UVRAG: variants seen among roughly 807,000 people sequenced by gnomAD.
UVRAG encodes the protein UV radiation resistance-associated gene protein.
Under a neutral mutation model 78.0 loss-of-function variants are expected in UVRAG, and 19 were observed. That is an observed-to-expected ratio of 0.24 (90% confidence interval 0.17 to 0.36). The LOEUF (loss-of-function observed/expected upper bound fraction) is 0.36, where lower values mean the gene tolerates loss of function less well. UVRAG is among the 10% of genes least tolerant of loss of function. UVRAG has a pLI of 1.00. For missense variants in UVRAG, 740 were observed against 853.8 expected, an observed-to-expected ratio of 0.87 and a Z score of 1.66; for synonymous variants, 323 against 324.6, an observed-to-expected ratio of 1.00 and a Z score of 0.05.
At chr11:76,010,104 T>C (rs1054830003) in intron 11 of UVRAG, among the ~76,000 whole-genome samples, 1 of 152,194 alleles carries the variant, frequency 6.6e-6, no homozygotes, top group Non-Finnish European at 1.5e-5. Context: ...TTCACAAAAA[T>C]GTGTTTTGAT....
intron 14 of UVRAG, among the ~76,000 whole-genome samples, chr11:76,138,604 A>T (rs1314916530): frequency 3.9e-5 from 6 of 152,160 alleles, no homozygotes; most frequent in Admixed American, 3.9e-4. Context: ...GCCTTTTATC[A>T]GCCCACTGGG....
intron 4 of UVRAG, among the ~76,000 whole-genome samples, chr11:75,882,542 C>T (rs1946975381): frequency 6.6e-6 from 1 of 151,408 alleles, no homozygotes; most frequent in African/African-American, 2.4e-5. Context: ...TTTTGAAAAT[C>T]TAAAAAAAAC....
At chr11:75,903,875 G>A (rs192834583) in intron 5 of UVRAG, among the ~76,000 whole-genome samples, 27 of 152,220 alleles carry the variant, frequency 1.8e-4, no homozygotes, top group African/African-American at 5.5e-4. Context: ...TACTAACTGC[G>A]TTATTTCTGT....
At chr11:76,088,034 C>T (rs1170119141) in intron 13 of UVRAG, among the ~76,000 whole-genome samples, 1 of 152,110 alleles carries the variant, frequency 6.6e-6, no homozygotes, top group Non-Finnish European at 1.5e-5. Flanking sequence ...CTCGAGTAGC[C>T]AGGACTACAG....
intron 13 of UVRAG, among the ~76,000 whole-genome samples, chr11:76,066,206 T>C (rs913090907): frequency 6.6e-6 from 1 of 152,156 alleles, no homozygotes; most frequent in Non-Finnish European, 1.5e-5. Context: ...CTCACTTTAT[T>C]ATTCAGGGCC....
intron 2 of UVRAG, among the ~76,000 whole-genome samples, chr11:75,859,043 G>C (rs1946356767): frequency 6.6e-6 from 1 of 152,108 alleles, no homozygotes; most frequent in African/African-American, 2.4e-5. Flanking sequence ...ATATTTAATG[G>C]TCTTTTTCAT....
At chr11:76,138,551 G>T (rs1407517965) in intron 14 of UVRAG, among the ~76,000 whole-genome samples, 2 of 152,236 alleles carry the variant, frequency 1.3e-5, no homozygotes, top group African/African-American at 2.4e-5. Context: ...CTCTTGTGCG[G>T]CAAGCACTGC....
chr11:75,985,154 C>CTTTTTTTTT (rs796594987), intron 8 of UVRAG, among the ~76,000 whole-genome samples: 59 of 128,252 alleles, frequency 4.6e-4, no homozygotes, highest in East Asian at 1.2e-3. Flanking sequence ...AATTTCTTTT[C>CTTTTTTTTT]TTTTTTTTTT....
At chr11:75,913,459 C>T (rs978237379) in intron 6 of UVRAG, among the ~76,000 whole-genome samples, 1 of 152,102 alleles carries the variant, frequency 6.6e-6, no homozygotes, top group Non-Finnish European at 1.5e-5. Flanking sequence ...CCTACCCTGC[C>T]TTTATCTTTG....
At chr11:76,010,827 C>T (rs1187564648) in intron 11 of UVRAG, among the ~76,000 whole-genome samples, 5 of 152,008 alleles carry the variant, frequency 3.3e-5, no homozygotes, top group African/African-American at 1.2e-4. Context: ...GGAAGAGCTA[C>T]GTTAGAAGAG....
chr11:76,087,681 A>G (rs1225344394), intron 13 of UVRAG, among the ~76,000 whole-genome samples: 6 of 152,144 alleles, frequency 3.9e-5, no homozygotes, highest in Non-Finnish European at 8.8e-5. Flanking sequence ...TTTTATGTGT[A>G]TTATTTCCTT....
intron 4 of UVRAG, among the ~76,000 whole-genome samples, chr11:75,885,919 A>G (rs529985027): frequency 4.7e-4 from 71 of 150,484 alleles, no homozygotes; most frequent in African/African-American, 1.8e-3. Context: ...TTCCAAAAAT[A>G]CTTTCATATC....
intron 1 of UVRAG, among the ~76,000 whole-genome samples, chr11:75,821,458 C>G (rs1022517935): frequency 6.6e-6 from 1 of 152,152 alleles, no homozygotes; most frequent in Middle Eastern, 3.2e-3. Flanking sequence ...CCTCCCACCT[C>G]AGCACCCCCG....
chr11:75,884,238 C>CTCTCTG (rs1243478800), intron 4 of UVRAG, among the ~76,000 whole-genome samples: 1 of 151,426 alleles, frequency 6.6e-6, no homozygotes, highest in Non-Finnish European at 1.5e-5. Flanking sequence ...CTCTCTCTCT[C>CTCTCTG]TTTCTCTCTC....
At chr11:75,837,983 G>A (rs1225631011) in intron 1 of UVRAG, among the ~76,000 whole-genome samples, 5 of 152,006 alleles carry the variant, frequency 3.3e-5, no homozygotes, top group Admixed American at 2.6e-4. Flanking sequence ...GCCACCACTC[G>A]CCAGCCTGGG....
At chr11:75,843,788 G>T (rs944016545) in intron 1 of UVRAG, among the ~76,000 whole-genome samples, 1 of 151,894 alleles carries the variant, frequency 6.6e-6, no homozygotes. Context: ...GCAAAACCCC[G>T]TCTATACAAA....
chr11:75,891,206 A>G (rs936187917), intron 5 of UVRAG, among the ~76,000 whole-genome samples: 1 of 152,154 alleles, frequency 6.6e-6, no homozygotes, highest in African/African-American at 2.4e-5. Context: ...CTAGCCTGTA[A>G]GCTTTTGAAG....
chr11:75,950,957 C>T (rs938977632), intron 6 of UVRAG, among the ~76,000 whole-genome samples: 1 of 141,340 alleles, frequency 7.1e-6, no homozygotes, highest in Non-Finnish European at 1.5e-5. Context: ...AGTCCTTTGT[C>T]AGGTGTACAC....
chr11:76,093,282 C>T (rs1215048), intron 13 of UVRAG, among the ~76,000 whole-genome samples: 8,916 of 152,212 alleles, frequency 0.059, 390 homozygotes, highest in East Asian at 0.23. Flanking sequence ...AGTTTGGAGT[C>T]AGGTAGCGTG....
Sources: allele counts gnomAD v4.1 joint callset (sites outside exome capture counted in the v4.1 genomes callset), GRCh38; gene constraint gnomAD v4.1.1; transcripts MANE v1.5; gene names NCBI Gene and HGNC (gene_info 2026-07-23, HGNC 2026-07-21).